INSR: variants seen among roughly 807,000 people sequenced by gnomAD.
INSR encodes IR.
In INSR, 67 loss-of-function variants were observed where a neutral mutation model predicts 142.6. The observed-to-expected ratio is 0.47, with a 90% CI of 0.39 to 0.58. The LOEUF is 0.58. Ranked by LOEUF, INSR falls within the 20% of genes least tolerant of loss-of-function variation. The pLI, the probability that INSR is intolerant of heterozygous loss-of-function variation, is 0.00. For missense variants in INSR, 1,248 were observed against 1,833.2 expected (o/e 0.68, Z 5.83); for synonymous variants, 756 against 743.1 (o/e 1.02, Z -0.28).
At chr19:7,123,132 C>T (rs1972535383) in intron 17 of INSR, 143 bp from the exon 18 acceptor site, 10 of 678,720 alleles carry the variant, frequency 1.5e-5, no homozygotes, top group Non-Finnish European at 1.6e-5. Flanking sequence ...GGAGAGCAGA[C>T]ATACCTGCCC....
At chr19:7,238,741 T>A (rs1046031636) in intron 2 of INSR, among the ~76,000 whole-genome samples, 19 of 151,850 alleles carry the variant, frequency 1.3e-4, no homozygotes, top group African/African-American at 4.6e-4. Flanking sequence ...ACTTTTGTAC[T>A]GCCCTCCATT....
chr19:7,121,056 G>A (rs185521368), intron 19 of INSR, among the ~76,000 whole-genome samples: 26 of 152,004 alleles, frequency 1.7e-4, no homozygotes, highest in Admixed American at 5.9e-4. Flanking sequence ...GGAGTGCAGT[G>A]GTGCAATCTT....
intron 17 of INSR, 56 bp from the exon 18 acceptor site, chr19:7,123,045 G>A (rs565898482): frequency 1.5e-6 from 2 of 1,301,300 alleles, no homozygotes; most frequent in East Asian, 2.5e-5. Flanking sequence ...GACTCACCAG[G>A]GTTCTCCTCC....
intron 2 of INSR, among the ~76,000 whole-genome samples, chr19:7,220,129 G>C (rs536188507): frequency 6.6e-6 from 1 of 152,118 alleles, no homozygotes; most frequent in Non-Finnish European, 1.5e-5. Context: ...ACACAATGAG[G>C]TCTGAGTGGC....
At position 7,184,592 on chromosome 19, in the gene INSR, A is replaced by G. The variant is rs387906539; in HGVS notation, c.698T>C (p.Leu233Pro). ...GCCCAGGCACTCGCTGTGGCAACAG[A>G]GGCCTTCGGCGGTGCAGCCGTGTGA... Reference protein sequence around the residue: ...CKSHGCTAEGLCCHSECLGNC... With the variant: ...CKSHGCTAEGPCCHSECLGNC... The change falls in exon 3 of 22, where the codon CTC (leucine) becomes CCC (proline). Residue 233 changes from leucine to proline, a missense_variant. Around this residue, in one of 3 missense-constraint regions of INSR, gnomAD observed 1,069 missense variants for 1,654.0 expected, o/e 0.65. Transcript: ENST00000302850. The G allele has an allele frequency of 6.2e-7, 1 of 1,613,362 alleles. No homozygotes were observed. The highest frequency in any genetic ancestry group is 8.5e-7 in the Non-Finnish European group (1 of 1,180,006).
chr19:7,287,918 C>T (rs765295936), intron 1 of INSR, among the ~76,000 whole-genome samples: 6 of 152,090 alleles, frequency 3.9e-5, no homozygotes, highest in African/African-American at 7.2e-5. Context: ...CCTGCCGTGT[C>T]GGGGCATTTT....
In INSR at chr19:7,146,236, C is replaced by CCTTTTTTTT. The variant is rs1424523294; in HGVS notation, c.2268-3147_2268-3146insAAAAAAAAG. 4.5e-5 allele frequency among the ~76,000 whole-genome samples: 5 copies of CCTTTTTTTT among 110,756 alleles called. 2 individuals carry two copies. Among genetic ancestry groups the CCTTTTTTTT allele is most frequent in the African/African-American group, 3.5e-5 (1 of 28,804 alleles). 72.7% of individuals were successfully genotyped at this position (110,756 alleles called of 152,430 possible). A position where few individuals can be genotyped will look rare whatever the true frequency, so the allele number is the denominator to read the frequency against. On this transcript the variant is annotated intron_variant, in intron 11 of 21. Transcript: ENST00000302850. ...TTCAGTGCAGTATCTTTGTCAAGTT[C>CCTTTTTTTT]TTTTTTTTTTTTTTTTTTTTTTGAG...
chr19:7,236,033 G>A (rs1302198757), intron 2 of INSR, among the ~76,000 whole-genome samples: 1 of 148,016 alleles, frequency 6.8e-6, no homozygotes, highest in Non-Finnish European at 1.5e-5. Context: ...GAGTGCAGTG[G>A]TGCGATCTCA....
chr19:7,266,706 A>G (rs898415923), intron 2 of INSR, among the ~76,000 whole-genome samples: 8 of 152,122 alleles, frequency 5.3e-5, no homozygotes, highest in Non-Finnish European at 8.8e-5. Context: ...TTAATGCCCA[A>G]TAACAGGAAT....
In INSR at chr19:7,192,644, C is replaced by T. The variant is rs1361541199; in HGVS notation, c.653-8007G>A. On this transcript the variant is annotated intron_variant, in intron 2 of 21. Coordinates refer to ENST00000302850, the MANE Select transcript of INSR (RefSeq NM_000208.4). The surrounding 1 kb of genome is among the most constrained non-coding windows in gnomAD (Gnocchi z 4.2). ...GCCAAACCGTCCGGGGGCTGTCACT[C>T]CCTCACACCTGCACACAAGTGCTGC... Among the ~76,000 whole-genome samples the T allele has an allele frequency of 6.6e-6, 1 of 152,194 alleles. No homozygotes were observed. The highest frequency in any genetic ancestry group is 1.5e-5 in the Non-Finnish European group (1 of 68,034).
At chr19:7,215,091 G>A (rs1361608332) in intron 2 of INSR, among the ~76,000 whole-genome samples, 1 of 151,862 alleles carries the variant, frequency 6.6e-6, no homozygotes, top group African/African-American at 2.4e-5. Context: ...GAGTAGCTGG[G>A]GCTACAGGCA....
At chr19:7,205,024 C>T (rs371835452) in intron 2 of INSR, among the ~76,000 whole-genome samples, 8 of 152,272 alleles carry the variant, frequency 5.3e-5, no homozygotes, top group African/African-American at 1.9e-4. Flanking sequence ...GCAGAGGTTG[C>T]GGTGAGCCGA....
intron 3 of INSR, among the ~76,000 whole-genome samples, chr19:7,180,618 G>A (rs893178193): frequency 3.3e-5 from 5 of 151,800 alleles, no homozygotes; most frequent in South Asian, 2.1e-4. Flanking sequence ...ACGGATGATT[G>A]ACTCAGACGG....
At chr19:7,226,482 T>C (rs971912513) in intron 2 of INSR, among the ~76,000 whole-genome samples, 2 of 149,892 alleles carry the variant, frequency 1.3e-5, no homozygotes, top group African/African-American at 2.5e-5. Flanking sequence ...TCCCAGCAAT[T>C]TGGGAGGCCG....
chr19:7,215,972 C>A (rs901081529), intron 2 of INSR, among the ~76,000 whole-genome samples: 1 of 152,054 alleles, frequency 6.6e-6, no homozygotes, highest in African/African-American at 2.4e-5. Context: ...GAAATTCCGA[C>A]GGGAATTGAA....
intron 2 of INSR, among the ~76,000 whole-genome samples, chr19:7,249,726 C>T (rs973737838): frequency 3.3e-5 from 5 of 152,152 alleles, no homozygotes; most frequent in African/African-American, 7.2e-5. Flanking sequence ...GGCGCGGTGG[C>T]TCACGCCTGT....
chr19:7,289,193 C>A (rs907699194), intron 1 of INSR, among the ~76,000 whole-genome samples: 4 of 151,702 alleles, frequency 2.6e-5, no homozygotes, highest in Admixed American at 2.6e-4. Flanking sequence ...AGATTAACTT[C>A]GAGAGCCATC....
intron 1 of INSR, among the ~76,000 whole-genome samples, chr19:7,275,644 C>A (rs11673363): frequency 6.6e-6 from 1 of 151,824 alleles, no homozygotes; most frequent in Admixed American, 6.6e-5. Context: ...TTAGCGGGGT[C>A]GGGGGAGTGG....
At chr19:7,265,658 C>A (rs935548685) in intron 2 of INSR, among the ~76,000 whole-genome samples, 1 of 151,406 alleles carries the variant, frequency 6.6e-6, no homozygotes, top group Non-Finnish European at 1.5e-5. Flanking sequence ...CCGCTTGAAC[C>A]CGGGAGGCAG....
Sources: gnomAD v4.1 joint callset for allele counts (sites outside exome capture counted in the v4.1 genomes callset) on GRCh38, gnomAD v4.1.1 for gene constraint, gnomAD v4.1.1 regional missense constraint, Gnocchi (gnomAD v3.1) non-coding constraint, MANE v1.5 for transcripts, NCBI Gene and HGNC (gene_info 2026-07-23, HGNC 2026-07-21) for gene names.